Variants in NAA25 observed in about 807,000 individuals in gnomAD.
NAA25 encodes the protein N-alpha-acetyltransferase 25, NatB auxiliary subunit.
A neutral mutation model predicts 132.5 loss-of-function variants in NAA25; 30 were observed. The observed-to-expected ratio is 0.23, with a 90% CI of 0.17 to 0.31. The LOEUF (loss-of-function observed/expected upper bound fraction) is 0.31. Among genes scored for constraint, NAA25 ranks in the 10% least tolerant of loss-of-function variants. The probability of loss-of-function intolerance (pLI) is 1.00; values close to 1 mark genes in which losing one functional copy is unlikely to be tolerated. For synonymous variants in NAA25, 359 were observed against 401.9 expected (o/e 0.89, Z 1.28); for missense variants, 771 against 1,150.4 (o/e 0.67, Z 4.77).
Position 112,078,178 on chromosome 12 carries a change from TA to T in NAA25, c.664+9del. The stretch of plus-strand genomic sequence containing the variant: ...AAAAAAAAAGCTTTAAGAAAATGTT[TA>T]AAAATTACCTCCTAATTTCCCTCTG... On this transcript the variant is annotated intron_variant, in intron 7 of 23. Transcript: ENST00000261745. 6.4e-7 allele frequency: 1 copy of T among 1,566,266 alleles called. No individual in the cohort carries two copies. Among genetic ancestry groups the T allele is most frequent in the Non-Finnish European group, 8.6e-7 (1 of 1,156,304 alleles).
chr12:112,078,723 C>T lies in NAA25; in HGVS notation c.496G>A (p.Glu166Lys), dbSNP rs376761310. The T allele has an allele frequency of 3.7e-6, 6 of 1,613,506 alleles. No individual in the cohort carries two copies. The African/African-American group carries it at 6.7e-5, about 18-fold the overall frequency. Residue 166 changes from glutamate (E) to lysine (K), a missense_variant, in exon 6 of 24, where the codon GAA becomes AAA. Glu to Lys is a moderately conservative substitution (Grantham distance 56). Transcript: ENST00000261745. ...AGAAACATTGTTTTTGAGAGGTTTT[C>T]ATCCTGTGCCGATATAGACTGAAAG... ...LIMQSISAQD[E>K]NLSKTMFLPL... is the part of the protein sequence containing the mutation.
chr12:112,054,330 C>T, intron 14 of NAA25, 58 bp downstream of exon 14: 1 of 1,467,706 alleles, frequency 6.8e-7, no homozygotes, highest in Non-Finnish European at 9.3e-7. Context: ...AGTTAGAGTC[C>T]TGTGTACCCC....
intron 9 of NAA25, 129 bp downstream of exon 9, chr12:112,074,546 A>G (rs1215842475): frequency 3.9e-6 from 2 of 518,128 alleles, no homozygotes; most frequent in Non-Finnish European, 6.7e-6. Context: ...AAAATATGAA[A>G]AAATGTCTTA....
At chr12:112,043,400 AAACTT>A (rs1365866488) in intron 18 of NAA25, among the ~76,000 whole-genome samples, 189 bp from the exon 19 acceptor site, 2 of 152,186 alleles carry the variant, frequency 1.3e-5, no homozygotes, top group Non-Finnish European at 2.9e-5. Flanking sequence ...TAGCTATTAA[AAACTT>A]AACACCACAA....
intron 7 of NAA25, 78 bp downstream of exon 7, chr12:112,078,110 T>C (rs2078919177): frequency 2.9e-6 from 3 of 1,018,878 alleles, no homozygotes; most frequent in Non-Finnish European, 3.0e-6. Flanking sequence ...TATCCTTATG[T>C]GGAAATTTTC....
intron 10 of NAA25, among the ~76,000 whole-genome samples, chr12:112,071,249 G>T (rs2078803414): frequency 6.6e-6 from 1 of 152,214 alleles, no homozygotes; most frequent in Non-Finnish European, 1.5e-5. Flanking sequence ...TTGAACTCCT[G>T]AGCTCAGGTG....
rs752631749 is a variant in NAA25 at position 112,039,261 on chromosome 12, T to C, written c.2617A>G (p.Lys873Glu). 2.5e-6 allele frequency: 4 copies of C among 1,606,040 alleles called. No individual in the cohort carries two copies. Among genetic ancestry groups the C allele is most frequent in the Non-Finnish European group, 3.4e-6 (4 of 1,176,458 alleles). The change falls in exon 22 of 24, where the codon AAA becomes GAA. Residue 873 changes from lysine to glutamate, a missense_variant. Around this residue, in one of 3 missense-constraint regions of NAA25, gnomAD observed 324 missense variants for 400.0 expected, o/e 0.81. Coordinates refer to ENST00000261745, the MANE Select transcript of NAA25 (RefSeq NM_024953.4). ...RPYKLNLQKK[K>E]KKKKETSIIM... ...ATGCTGGTTTCTTTTTTCTTCTTTT[T>C]CTTTTTCTGTAAATTTAGTTTGTAT...
intron 23 of NAA25, among the ~76,000 whole-genome samples, chr12:112,032,604 T>C (rs1471277217): frequency 6.6e-6 from 1 of 152,204 alleles, no homozygotes; most frequent in Non-Finnish European, 1.5e-5. Flanking sequence ...CCACTGTCCT[T>C]CTTGCCCCTA....
rs1273004236 is a variant in NAA25 at position 112,053,614 on chromosome 12, C to T, written c.1672G>A (p.Ala558Thr). 6.2e-7 allele frequency: 1 copy of T among 1,608,484 alleles called. No homozygotes were observed. The highest frequency in any genetic ancestry group is 1.3e-5 in the African/African-American group (1 of 74,800). The change falls in exon 15 of 24, where the codon GCT (alanine) becomes ACT (threonine). Residue 558 changes from alanine (A) to threonine (T), a missense_variant. By Grantham distance (58) the Ala-to-Thr change is moderately conservative (BLOSUM62 0). Coordinates refer to ENST00000261745, the MANE Select transcript of NAA25 (RefSeq NM_024953.4). ...RYAESLGQYA[A>T]ASQSCNFALR... The stretch of plus-strand genomic sequence containing the variant: ...GCGAAGTTACAGGATTGGGACGCAG[C>T]AGCATACTGACCTAGAGATTCAGCA...
chr12:112,057,729 G>A (rs559635755), intron 13 of NAA25, among the ~76,000 whole-genome samples: 4 of 152,292 alleles, frequency 2.6e-5, no homozygotes, highest in South Asian at 2.1e-4. Flanking sequence ...AGTGGCTCAC[G>A]CCTATAATCC....
At position 112,108,764 on chromosome 12, in the gene NAA25, G is replaced by A. The variant is rs983366629; in HGVS notation, c.10C>T (p.Arg4Trp). The A allele has an allele frequency of 2.6e-6, 4 of 1,522,848 alleles. No individual in the cohort carries two copies. The highest frequency in any genetic ancestry group is 3.5e-6 in the Non-Finnish European group (4 of 1,131,816). 94.3% of individuals were successfully genotyped at this position (1,522,848 alleles called of 1,614,324 possible). A position where few individuals can be genotyped will look rare whatever the true frequency, so the allele number is the denominator to read the frequency against. Residue 4 changes from arginine (R) to tryptophan (W), a missense_variant, in exon 1 of 24, where the codon CGG becomes TGG. Around this residue, in one of 3 missense-constraint regions of NAA25, gnomAD observed 30 missense variants for 16.6 expected, o/e 1.81. Transcript: ENST00000261745. The stretch of plus-strand genomic sequence containing the variant: ...TCGTTAGGGTCCTGCACATGGCCCC[G>A]CGTCGCCATGATGACAAGCGCAGAA... MAT[R>W]GHVQDPNDRR...
Position 112,090,794 on chromosome 12 carries a change from G to A in NAA25, c.215C>T (p.Ala72Val). Residue 72 changes from alanine to valine, a missense_variant, in exon 3 of 24, where the codon GCA (alanine) becomes GTA (valine). By Grantham distance (64) the Ala-to-Val change is moderately conservative. Around this residue, in one of 3 missense-constraint regions of NAA25, gnomAD observed 417 missense variants for 733.8 expected, o/e 0.57. Transcript: ENST00000261745. ...EEAFTLAQEV[A>V]ALEPTDDNSL... ...GTTGTCATCTGTGGGTTCAAGGGCT[G>A]CCACCTCCTGTGCAAGAGTAAAGGC... 1 of 1,613,842 alleles carries A rather than the reference G, an allele frequency of 6.2e-7. No individual in the cohort carries two copies. Among genetic ancestry groups the A allele is most frequent in the Non-Finnish European group, 8.5e-7 (1 of 1,179,830 alleles).
At position 112,062,400 on chromosome 12, in the gene NAA25, C is replaced by CA. The variant is rs750872314; in HGVS notation, c.1150-1013dup. On this transcript the variant is annotated intron_variant, in intron 11 of 23. Coordinates refer to ENST00000261745, the MANE Select transcript of NAA25 (RefSeq NM_024953.4). ...TGGGCAACAGAGCGAGACTCCATCT[C>CA]AAAAAAAAAAAAAAAAAGTTATAAA... 6.5e-3 allele frequency among the ~76,000 whole-genome samples: 547 copies of CA among 84,294 alleles called. 1 individual carries two copies. The highest frequency in any genetic ancestry group is 0.014 in the African/African-American group (327 of 23,052). The allele number at this position is 84,294 out of a possible 152,430, so 55.3% of individuals were successfully genotyped here. A position where few individuals can be genotyped will look rare whatever the true frequency, so the allele number is the denominator to read the frequency against.
At chr12:112,106,774 C>T (rs2079366864) in intron 1 of NAA25, among the ~76,000 whole-genome samples, 1 of 150,604 alleles carries the variant, frequency 6.6e-6, no homozygotes, top group African/African-American at 2.4e-5. Flanking sequence ...GGCAACATGA[C>T]GAAACCCATT....
intron 7 of NAA25, 55 bp from the exon 8 acceptor site, chr12:112,075,844 C>T: frequency 1.5e-6 from 2 of 1,375,580 alleles, no homozygotes; most frequent in Non-Finnish European, 2.1e-6. Context: ...GCTCAATAAC[C>T]AGAATAGAGT....
intron 20 of NAA25, 109 bp from the exon 21 acceptor site, chr12:112,040,687 T>A: frequency 1.6e-6 from 1 of 641,898 alleles, no homozygotes; most frequent in Non-Finnish European, 2.6e-6. Context: ...TTTAGAAAGC[T>A]ATTTGTTTTT....
At chr12:112,064,857 A>C (rs1030362523) in intron 11 of NAA25, among the ~76,000 whole-genome samples, 11 of 151,020 alleles carry the variant, frequency 7.3e-5, no homozygotes, top group African/African-American at 2.4e-4. Context: ...GAACATGGAG[A>C]AACCCGGTCT....
At chr12:112,086,102 A>ACACACACCCC (rs796241170) in intron 4 of NAA25, among the ~76,000 whole-genome samples, 4 of 120,798 alleles carry the variant, frequency 3.3e-5, no homozygotes, top group East Asian at 6.0e-4. Context: ...ACACACACAC[A>ACACACACCCC]CCCATAACCA....
chr12:112,037,949 G>T (rs2078247180), intron 22 of NAA25, among the ~76,000 whole-genome samples: 1 of 152,052 alleles, frequency 6.6e-6, no homozygotes, highest in South Asian at 2.1e-4. Flanking sequence ...TCAGATCCCT[G>T]ACGGCATTCT....
Sources: allele counts gnomAD v4.1 joint callset (sites outside exome capture counted in the v4.1 genomes callset), GRCh38; gene constraint gnomAD v4.1.1; regional missense constraint gnomAD v4.1.1; transcripts MANE v1.5; gene names NCBI Gene and HGNC (gene_info 2026-07-23, HGNC 2026-07-21).